The following AKAP13 variants were observed in gnomAD, a reference collection of about 807,000 sequenced individuals.
AKAP13 encodes A-kinase anchor protein 13.
Under a neutral mutation model 264.5 loss-of-function variants are expected in AKAP13, and 80 were observed. The observed-to-expected ratio is 0.30, with a 90% CI of 0.25 to 0.36. The LOEUF (loss-of-function observed/expected upper bound fraction) is 0.36. AKAP13 is among the 10% of genes least tolerant of loss of function. AKAP13 has a pLI of 1.00. For synonymous variants in AKAP13, 1,380 were observed against 1,250.2 expected (o/e 1.10, Z -2.19); for missense variants, 3,712 against 3,435.2 (o/e 1.08, Z -2.01).
intron 18 of AKAP13, among the ~76,000 whole-genome samples, chr15:85,710,126 C>G (rs1411990813): frequency 6.6e-6 from 1 of 152,114 alleles, no homozygotes; most frequent in Admixed American, 6.5e-5. Context: ...GTATTTTACC[C>G]AATAATTTAG....
At chr15:85,472,161 GTTAGA>G (rs1321120160) in intron 1 of AKAP13, among the ~76,000 whole-genome samples, 4 of 151,346 alleles carry the variant, frequency 2.6e-5, no homozygotes, top group Admixed American at 6.6e-5. Context: ...TGAAGAATTG[GTTAGA>G]TTAGATCTGA....
rs75173002 is a variant in AKAP13 at position 85,468,495 on chromosome 15, A to G, written c.-11-17215A>G. Among the ~76,000 whole-genome samples the G allele has an allele frequency of 1.2e-3, 184 of 152,362 alleles. 3 individuals are homozygous for G. The East Asian group carries it at 0.03, about 25-fold the overall frequency. The stretch of plus-strand genomic sequence containing the variant: ...TGATTTGTAGCTTGGAAGAATAGGC[A>G]TATTAGCATTTTAACAATATAGCTT... On this transcript the variant is annotated intron_variant, in intron 1 of 36. Coordinates refer to ENST00000394518, the MANE Select transcript of AKAP13 (RefSeq NM_007200.5).
chr15:85,597,110 A>G (rs2079853663), intron 8 of AKAP13, among the ~76,000 whole-genome samples: 1 of 152,232 alleles, frequency 6.6e-6, no homozygotes, highest in Non-Finnish European at 1.5e-5. Context: ...AACCATTTAG[A>G]GGTCTTTTCT....
In AKAP13 at chr15:85,580,556, G is replaced by A; in HGVS notation, c.2488G>A (p.Gly830Arg). Residue 830 changes from glycine (G) to arginine (R), a missense_variant, in exon 7 of 37, where the codon GGA becomes AGA. Transcript: ENST00000394518. The stretch of plus-strand genomic sequence containing the variant: ...TACAGATTATAGAGATGGCCCAGAT[G>A]GAAATTCGAATGAGCCTGATACGCG... ...TATDYRDGPDGNSNEPDTRPL... is the reference protein window; with the variant it reads ...TATDYRDGPDRNSNEPDTRPL... The A allele has an allele frequency of 6.2e-7, 1 of 1,614,206 alleles. No homozygotes were observed. The highest frequency in any genetic ancestry group is 8.5e-7 in the Non-Finnish European group (1 of 1,180,044).
In AKAP13 at chr15:85,580,476, C is replaced by G; in HGVS notation, c.2408C>G (p.Ser803Cys). 6 of 1,614,204 alleles carry G rather than the reference C, an allele frequency of 3.7e-6. No individual in the cohort carries two copies. The highest frequency in any genetic ancestry group is 5.1e-6 in the Non-Finnish European group (6 of 1,180,034). Reference protein sequence around the residue: ...SESVTKDDALSFVPSQKEKGT... With the variant: ...SESVTKDDALCFVPSQKEKGT... Reference sequence around the variant, plus strand: ...TCAGTAACCAAGGATGACGCACTTTCTTTTGTCCCCTCCCAGAAAGAAAAG... The same window carrying G: ...TCAGTAACCAAGGATGACGCACTTTGTTTTGTCCCCTCCCAGAAAGAAAAG... Residue 803 changes from serine to cysteine, a missense_variant, in exon 7 of 37, where the codon TCT becomes TGT. Physicochemically the swap from Ser to Cys is moderately radical, Grantham distance 112 (BLOSUM62 -1). Coordinates refer to ENST00000394518, the MANE Select transcript of AKAP13 (RefSeq NM_007200.5).
chr15:85,503,389 G>A (rs1358819274), intron 2 of AKAP13, among the ~76,000 whole-genome samples: 2 of 152,142 alleles, frequency 1.3e-5, no homozygotes, highest in African/African-American at 4.8e-5. Context: ...TCTTCCTCTG[G>A]TACTATAGCC....
intron 3 of AKAP13, among the ~76,000 whole-genome samples, chr15:85,522,666 A>G (rs1271341224): frequency 6.6e-6 from 1 of 151,898 alleles, no homozygotes; most frequent in Non-Finnish European, 1.5e-5. Flanking sequence ...TTCTAGTACC[A>G]CTTTATATAT....
chr15:85,712,080 T>G (rs747698582), intron 19 of AKAP13, among the ~76,000 whole-genome samples: 8 of 152,192 alleles, frequency 5.3e-5, no homozygotes, highest in Non-Finnish European at 1.2e-4. Flanking sequence ...GCAGTCCTCA[T>G]GCCTTGGCCT....
At chr15:85,509,209 G>A (rs2151115400) in intron 2 of AKAP13, among the ~76,000 whole-genome samples, 1 of 152,254 alleles carries the variant, frequency 6.6e-6, no homozygotes, top group South Asian at 2.1e-4. Context: ...GGGGTCTGTA[G>A]CTATTAAGTG....
chr15:85,555,512 C>G (rs1478217689), intron 5 of AKAP13: 4 of 1,231,316 alleles, frequency 3.2e-6, no homozygotes, highest in East Asian at 5.6e-5. Flanking sequence ...GCTTCCAGAC[C>G]AATGCTTTGT....
At chr15:85,488,530 G>A (rs922509163) in intron 2 of AKAP13, among the ~76,000 whole-genome samples, 6 of 152,106 alleles carry the variant, frequency 3.9e-5, no homozygotes, top group Non-Finnish European at 8.8e-5. Flanking sequence ...ACCTTACATG[G>A]CAAAAAGAAC....
chr15:85,461,167 G>T (rs2074496502), intron 1 of AKAP13, among the ~76,000 whole-genome samples: 1 of 152,100 alleles, frequency 6.6e-6, no homozygotes. Flanking sequence ...CCAGGCTGGA[G>T]TGCAGTGGCA....
intron 1 of AKAP13, among the ~76,000 whole-genome samples, chr15:85,474,624 T>G (rs1596292459): frequency 6.6e-6 from 1 of 152,338 alleles, no homozygotes; most frequent in South Asian, 2.1e-4. Flanking sequence ...ATTGAAGTTT[T>G]CCTCATATCT....
rs553677506 is a variant in AKAP13, at chr15:85,572,659, TAAA to T, written c.663-2464_663-2462del. Among the ~76,000 whole-genome samples the T allele has an allele frequency of 9.9e-5, 15 of 150,980 alleles. 2 individuals carry two copies. The South Asian group carries it at 2.3e-3, about 23-fold the overall frequency. Reference sequence around the variant, plus strand: ...CCTTATACGTTTTCCACTGTAGCATTAAAAAAAAAATTTTTTTTTTATTATTAC... The same window carrying T: ...CCTTATACGTTTTCCACTGTAGCATTAAAAAAATTTTTTTTTTATTATTAC... On this transcript the variant is annotated intron_variant, in intron 5 of 36. Coordinates refer to ENST00000394518, the MANE Select transcript of AKAP13 (RefSeq NM_007200.5).
At chr15:85,554,474 T>A (rs2078069604) in intron 5 of AKAP13, among the ~76,000 whole-genome samples, 1 of 152,164 alleles carries the variant, frequency 6.6e-6, no homozygotes, top group Non-Finnish European at 1.5e-5. Flanking sequence ...CTTAACCTAG[T>A]GGGGAAACCA....
In AKAP13 at chr15:85,579,422, A is replaced by G. The variant is rs1389898186; in HGVS notation, c.1354A>G (p.Met452Val). ...GDAVLQRDLV[M>V]EPGTAQYSSG... ...TGCTGTGCTTCAGAGAGACTTGGTCATGGAGCCAGGCACAGCCCAGTATTC... is the reference window on the plus strand; with the variant it reads ...TGCTGTGCTTCAGAGAGACTTGGTCGTGGAGCCAGGCACAGCCCAGTATTC... Residue 452 changes from methionine to valine, a missense_variant, in exon 7 of 37, where the codon ATG (methionine) becomes GTG (valine). By Grantham distance (21) the Met-to-Val change is conservative (BLOSUM62 1). Transcript: ENST00000394518. 3.7e-6 allele frequency: 6 copies of G among 1,614,070 alleles called. No individual in the cohort carries two copies. The African/African-American group carries it at 4.0e-5, about 11-fold the overall frequency.
In AKAP13 at chr15:85,735,168, A is replaced by T; in HGVS notation, c.7441+18A>T. On this transcript the variant is annotated intron_variant, in intron 31 of 36. Coordinates refer to ENST00000394518, the MANE Select transcript of AKAP13 (RefSeq NM_007200.5). ...TTCAAAAGGTAAATGATGTGAAGTCATGAGCTTTTATAGGCAATCCTTGAC... is the reference window on the plus strand; with the variant it reads ...TTCAAAAGGTAAATGATGTGAAGTCTTGAGCTTTTATAGGCAATCCTTGAC... The T allele has an allele frequency of 1.2e-6, 2 of 1,610,150 alleles. No homozygotes were observed. Among genetic ancestry groups the T allele is most frequent in the Non-Finnish European group, 1.7e-6 (2 of 1,178,000 alleles).
At chr15:85,600,715 C>G (rs557024448) in intron 8 of AKAP13, among the ~76,000 whole-genome samples, 1 of 152,256 alleles carries the variant, frequency 6.6e-6, no homozygotes, top group African/African-American at 2.4e-5. Flanking sequence ...ATTCCCCTAC[C>G]CAGCCCCAAA....
At chr15:85,385,962 A>C (rs2070537028) in intron 1 of AKAP13, among the ~76,000 whole-genome samples, 1 of 152,088 alleles carries the variant, frequency 6.6e-6, no homozygotes, top group South Asian at 2.1e-4. Flanking sequence ...AGTAGCTGGG[A>C]TTACAGGCAC....
Sources: allele counts gnomAD v4.1 joint callset (sites outside exome capture counted in the v4.1 genomes callset), GRCh38; gene constraint gnomAD v4.1.1; transcripts MANE v1.5; gene names NCBI Gene and HGNC (gene_info 2026-07-23, HGNC 2026-07-21).